NOL4L: variants seen among roughly 807,000 people sequenced by gnomAD.
NOL4L encodes the protein nucleolar protein 4-like.
A neutral mutation model predicts 64.5 loss-of-function variants in NOL4L; 7 were observed. The ratio of observed to expected loss-of-function variants is 0.11; its 90% CI spans 0.06 to 0.20. The LOEUF (loss-of-function observed/expected upper bound fraction) is 0.20, where lower values mean the gene tolerates loss of function less well. Among genes scored for constraint, NOL4L ranks in the 10% least tolerant of loss-of-function variants. The probability of loss-of-function intolerance (pLI) is 1.00; values close to 1 mark genes in which losing one functional copy is unlikely to be tolerated. For synonymous variants in NOL4L, 413 were observed against 401.0 expected, an observed-to-expected ratio of 1.03 and a Z score of -0.36; for missense variants, 680 against 967.1, an observed-to-expected ratio of 0.70 and a Z score of 3.94.
In NOL4L at chr20:32,445,149, A is replaced by ATTCTT. The variant is rs1211724448; in HGVS notation, c.*2442_*2446dup. On this transcript the variant is annotated 3_prime_UTR_variant, in exon 11 of 11. Transcript: ENST00000621426. The stretch of plus-strand genomic sequence containing the variant: ...GAGGCCCAATGGACTTTAACAACAT[A>ATTCTT]TTCTTTCCTTTCTCTTGAAAACACA... 1 of 152,244 alleles carries ATTCTT rather than the reference A, an allele frequency of 6.6e-6. No homozygotes were observed. Among genetic ancestry groups the ATTCTT allele is most frequent in the Non-Finnish European group, 1.5e-5 (1 of 68,036 alleles). The allele number at this position is 152,244 out of a possible 1,614,324, so 9.4% of individuals were successfully genotyped here.
At chr20:32,527,616 C>G in intron 2 of NOL4L, 142 bp downstream of exon 2, 1 of 958,266 alleles carries the variant, frequency 1.0e-6, no homozygotes, top group Non-Finnish European at 1.5e-6. Flanking sequence ...GTGCCCTTGC[C>G]CTGTGCCCCC....
intron 5 of NOL4L, among the ~76,000 whole-genome samples, chr20:32,459,916 A>G (rs1351239089): frequency 6.6e-6 from 1 of 152,248 alleles, no homozygotes; most frequent in East Asian, 1.9e-4. Flanking sequence ...GTATCCAGCC[A>G]TGAAAATGAA....
At chr20:32,534,183 G>C (rs2018437507) in intron 1 of NOL4L, among the ~76,000 whole-genome samples, 1 of 152,200 alleles carries the variant, frequency 6.6e-6, no homozygotes, top group African/African-American at 2.4e-5. Context: ...CTAAATAGCG[G>C]AGACATTTCT....
At chr20:32,554,724 G>A (rs916772507) in intron 1 of NOL4L, among the ~76,000 whole-genome samples, 9 of 152,162 alleles carry the variant, frequency 5.9e-5, no homozygotes, top group African/African-American at 1.9e-4. Context: ...AAGAGTCATT[G>A]GCTCTGGAGC....
At chr20:32,549,954 T>C (rs896423055) in intron 1 of NOL4L, among the ~76,000 whole-genome samples, 42 of 152,156 alleles carry the variant, frequency 2.8e-4, no homozygotes, top group Admixed American at 5.9e-4. Flanking sequence ...CAAAAACTTG[T>C]ACATGACTGT....
At chr20:32,456,028 C>G (rs2013466188) in intron 6 of NOL4L, 90 bp downstream of exon 6, 4 of 1,353,942 alleles carry the variant, frequency 3.0e-6, no homozygotes, top group Admixed American at 2.9e-5. Flanking sequence ...TGGGCTGGCT[C>G]CAGCTAAGCT....
chr20:32,545,463 C>T (rs1024360455), intron 1 of NOL4L, among the ~76,000 whole-genome samples: 1 of 152,202 alleles, frequency 6.6e-6, no homozygotes, highest in African/African-American at 2.4e-5. Context: ...GCCGGACAGC[C>T]GACTGGACTG....
rs531309678 is a variant in NOL4L, at chr20:32,535,339, T to A, written c.322-7426A>T. 4.6e-5 allele frequency: 7 copies of A among 151,536 alleles called. No homozygotes were observed. The South Asian group carries it at 1.0e-3, about 23-fold the overall frequency. The allele number at this position is 151,536 out of a possible 1,614,324, so 9.4% of individuals were successfully genotyped here. A position where few individuals can be genotyped will look rare whatever the true frequency, so the allele number is the denominator to read the frequency against. On this transcript the variant is annotated intron_variant, in intron 1 of 10. Coordinates refer to ENST00000621426, the MANE Select transcript of NOL4L (RefSeq NM_001256798.2). ...AGAATTTTAGGACCCAAAGTTCCAT[T>A]GAGCTTCGTAGGCCTGGATGGGGCA...
In NOL4L at chr20:32,447,750, G is replaced by A; in HGVS notation, c.1889C>T (p.Ser630Phe). 6.3e-7 allele frequency: 1 copy of A among 1,598,336 alleles called. No homozygotes were observed. Among genetic ancestry groups the A allele is most frequent in the Admixed American group, 1.7e-5 (1 of 58,992 alleles). Residue 630 changes from serine (S) to phenylalanine (F), a missense_variant, in exon 11 of 11, where the codon TCC becomes TTC. Ser to Phe is a radical substitution (Grantham distance 155). Coordinates refer to ENST00000621426, the MANE Select transcript of NOL4L (RefSeq NM_001256798.2). The stretch of plus-strand genomic sequence containing the variant: ...CACGGGCCTGCTGGTGCTGGTGCTG[G>A]AGGGGGTGGGCGTGGGGGTGGTGGA... ...TTSTTPTPTP[S>F]STSTSRPVPT...
At chr20:32,485,058 CAAAA>C (rs57444583) in intron 4 of NOL4L, among the ~76,000 whole-genome samples, 343 of 17,804 alleles carry the variant, frequency 0.019, 2 homozygotes, top group African/African-American at 0.052. Context: ...GGGAAATTGC[CAAAA>C]AAAAAAAAAA....
chr20:32,454,065 G>T, intron 6 of NOL4L: 1 of 366,848 alleles, frequency 2.7e-6, no homozygotes, highest in Non-Finnish European at 5.1e-6. Context: ...TGTTTCCTCA[G>T]CAGAGGCCAA....
intron 1 of NOL4L, among the ~76,000 whole-genome samples, chr20:32,552,049 C>T (rs997820332): frequency 1.3e-5 from 2 of 152,088 alleles, no homozygotes; most frequent in Non-Finnish European, 2.9e-5. Flanking sequence ...CTTCGCCTCC[C>T]AAAGTGCTAG....
At chr20:32,448,499 G>A (rs2012537839) in intron 10 of NOL4L, among the ~76,000 whole-genome samples, 1 of 152,220 alleles carries the variant, frequency 6.6e-6, no homozygotes, top group Admixed American at 6.5e-5. Context: ...GAGGGACCAT[G>A]GCAGCCAGTG....
intron 4 of NOL4L, among the ~76,000 whole-genome samples, chr20:32,506,907 G>A (rs139896509): frequency 7.2e-5 from 11 of 152,282 alleles, no homozygotes; most frequent in Non-Finnish European, 1.3e-4. Context: ...CCTCCATCAC[G>A]TGGGCTCAGA....
At chr20:32,556,493 C>T (rs1978664202) in intron 1 of NOL4L, among the ~76,000 whole-genome samples, 1 of 152,200 alleles carries the variant, frequency 6.6e-6, no homozygotes, top group South Asian at 2.1e-4. Flanking sequence ...CTATTAAGGG[C>T]TACACTCCAA....
At chr20:32,567,079 A>G (rs990091978) in intron 1 of NOL4L, among the ~76,000 whole-genome samples, 1 of 152,110 alleles carries the variant, frequency 6.6e-6, no homozygotes, top group African/African-American at 2.4e-5. Context: ...CCCTCTCTTT[A>G]CTGGCATGGA....
intron 1 of NOL4L, among the ~76,000 whole-genome samples, chr20:32,564,343 G>A (rs1979285477): frequency 6.6e-6 from 1 of 152,206 alleles, no homozygotes. Context: ...GTTGCTTACA[G>A]AACCTCACAG....
rs143458646 is a variant in NOL4L at position 32,497,614 on chromosome 20, C to T, written c.699+13733G>A. On this transcript the variant is annotated intron_variant, in intron 4 of 10. Transcript: ENST00000621426. ...GGAACGGGACTTAGCCACAAGATCA[C>T]GAATCCCTTCTGGGTCTTGGTTAGG... 3.7e-3 allele frequency among the ~76,000 whole-genome samples: 567 copies of T among 152,290 alleles called. 2 individuals are homozygous for T. Among genetic ancestry groups the T allele is most frequent in the Middle Eastern group, 0.01 (3 of 294 alleles).
chr20:32,488,778 C>T (rs6087919), intron 4 of NOL4L, among the ~76,000 whole-genome samples: 3,338 of 53,038 alleles, frequency 0.063, 137 homozygotes, highest in Non-Finnish European at 0.067. Context: ...TTCCTTCCTT[C>T]CTTCCTTCCT....
Sources: allele counts gnomAD v4.1 joint callset (sites outside exome capture counted in the v4.1 genomes callset), GRCh38; gene constraint gnomAD v4.1.1; transcripts MANE v1.5; gene names NCBI Gene and HGNC (gene_info 2026-07-23, HGNC 2026-07-21).